The following ADAMTS17 variants were observed in gnomAD, a reference collection of about 807,000 sequenced individuals.
The protein encoded by ADAMTS17 is A disintegrin and metalloproteinase with thrombospondin motifs 17.
ADAMTS17 carries 113 observed loss-of-function variants against 141.5 expected under a neutral mutation model. That is an observed-to-expected ratio of 0.80 (90% confidence interval 0.69 to 0.93). The LOEUF is 0.93. Among genes scored for constraint, ADAMTS17 ranks in the 40% least tolerant of loss-of-function variants. The pLI, the probability that ADAMTS17 is intolerant of heterozygous loss-of-function variation, is 0.00. For synonymous variants in ADAMTS17, 768 were observed against 630.6 expected (o/e 1.22, Z -3.27); for missense variants, 1,659 against 1,517.9 (o/e 1.09, Z -1.54).
chr15:100,060,703 G>A (rs1362124606), intron 15 of ADAMTS17, among the ~76,000 whole-genome samples: 1 of 152,228 alleles, frequency 6.6e-6, no homozygotes, highest in Non-Finnish European at 1.5e-5. Context: ...TCCACTCGGA[G>A]TTCTGCCAGC....
chr15:100,101,293 A>T (rs1056425072), intron 14 of ADAMTS17, among the ~76,000 whole-genome samples: 1 of 151,806 alleles, frequency 6.6e-6, no homozygotes, highest in African/African-American at 2.4e-5. Context: ...ACACATACCA[A>T]TCTCTGGAAT....
chr15:100,250,241 C>A (rs1280611790), intron 7 of ADAMTS17, among the ~76,000 whole-genome samples: 2 of 152,210 alleles, frequency 1.3e-5, no homozygotes, highest in South Asian at 4.1e-4. Flanking sequence ...AAAACAACAA[C>A]AAAAAAACGC....
At chr15:100,308,780 C>T (rs1344078589) in intron 3 of ADAMTS17, among the ~76,000 whole-genome samples, 1 of 152,150 alleles carries the variant, frequency 6.6e-6, no homozygotes, top group Non-Finnish European at 1.5e-5. Flanking sequence ...TCTGACTAAG[C>T]AGCAGGAAAG....
intron 3 of ADAMTS17, among the ~76,000 whole-genome samples, chr15:100,286,083 T>G (rs1011960500): frequency 6.6e-6 from 1 of 152,118 alleles, no homozygotes; most frequent in Non-Finnish European, 1.5e-5. Context: ...ACTGGAGAGC[T>G]CCAGCAGACC....
intron 8 of ADAMTS17, among the ~76,000 whole-genome samples, chr15:100,176,224 A>G (rs1415243928): frequency 1.3e-5 from 2 of 152,256 alleles, no homozygotes; most frequent in Non-Finnish European, 2.9e-5. Context: ...TGATGAATGC[A>G]TGGTGCTTCA....
At position 100,044,695 on chromosome 15, in the gene ADAMTS17, T is replaced by C. The variant is rs550683195; in HGVS notation, c.2591+4162A>G. 1.5e-3 allele frequency among the ~76,000 whole-genome samples: 227 copies of C among 152,342 alleles called. 3 individuals are homozygous for C. The highest frequency in any genetic ancestry group is 5.4e-3 in the African/African-American group (223 of 41,564). On this transcript the variant is annotated intron_variant, in intron 18 of 21. Coordinates refer to ENST00000268070, the MANE Select transcript of ADAMTS17 (RefSeq NM_139057.4). ...CCTTCTCTTTTGAGTATGGATCTGTTTCCCTATATGACTAGTAATTTTGGA... is the reference window on the plus strand; with the variant it reads ...CCTTCTCTTTTGAGTATGGATCTGTCTCCCTATATGACTAGTAATTTTGGA...
chr15:99,987,746 C>T (rs562880209), intron 20 of ADAMTS17, among the ~76,000 whole-genome samples: 2 of 152,170 alleles, frequency 1.3e-5, no homozygotes, highest in Non-Finnish European at 2.9e-5. Context: ...GTATTCTTCC[C>T]ACTTCTCCAG....
At chr15:100,331,916 C>T (rs2141958402) in intron 2 of ADAMTS17, among the ~76,000 whole-genome samples, 1 of 152,240 alleles carries the variant, frequency 6.6e-6, no homozygotes, top group Admixed American at 6.5e-5. Context: ...CAGCACTCCC[C>T]ACCACACGCA....
intron 3 of ADAMTS17, among the ~76,000 whole-genome samples, chr15:100,319,163 T>C (rs1005877653): frequency 1.3e-5 from 2 of 152,152 alleles, no homozygotes; most frequent in Non-Finnish European, 2.9e-5. Context: ...AGAATAGCAC[T>C]GGGGGCAGGG....
intron 7 of ADAMTS17, among the ~76,000 whole-genome samples, chr15:100,246,759 T>C (rs559735750): frequency 6.6e-6 from 1 of 152,360 alleles, no homozygotes; most frequent in African/African-American, 2.4e-5. Flanking sequence ...TATTTCATCA[T>C]AGCTTTAATT....
chr15:100,046,438 T>A (rs1471479122), intron 18 of ADAMTS17, among the ~76,000 whole-genome samples: 3 of 152,178 alleles, frequency 2.0e-5, no homozygotes, highest in African/African-American at 7.2e-5. Flanking sequence ...TTCATCTGTT[T>A]CATTTTACTG....
intron 7 of ADAMTS17, among the ~76,000 whole-genome samples, chr15:100,204,788 A>G (rs1311595138): frequency 6.6e-6 from 1 of 152,186 alleles, no homozygotes; most frequent in Non-Finnish European, 1.5e-5. Context: ...ACCTCTTACA[A>G]CAGAAGAGTA....
chr15:100,130,500 G>A (rs1346527974), intron 12 of ADAMTS17, among the ~76,000 whole-genome samples: 1 of 152,132 alleles, frequency 6.6e-6, no homozygotes, highest in African/African-American at 2.4e-5. Context: ...CTGGGAAAAT[G>A]GTGCTCCTGT....
intron 8 of ADAMTS17, among the ~76,000 whole-genome samples, chr15:100,193,620 G>C (rs2041001684): frequency 6.6e-6 from 1 of 152,192 alleles, no homozygotes; most frequent in African/African-American, 2.4e-5. Flanking sequence ...CCCCGAGAGT[G>C]AGCGCATCGG....
At chr15:100,170,409 G>A (rs927913818) in intron 8 of ADAMTS17, among the ~76,000 whole-genome samples, 3 of 152,030 alleles carry the variant, frequency 2.0e-5, no homozygotes, top group Admixed American at 6.5e-5. Context: ...AGCCAGCCGC[G>A]GAAAGTCCCT....
chr15:100,293,439 G>A (rs2044710910), intron 3 of ADAMTS17, among the ~76,000 whole-genome samples: 1 of 152,194 alleles, frequency 6.6e-6, no homozygotes, highest in Non-Finnish European at 1.5e-5. Context: ...TGTGGATGGA[G>A]ATAATGCTTT....
intron 14 of ADAMTS17, among the ~76,000 whole-genome samples, chr15:100,101,121 C>G (rs924928143): frequency 6.6e-6 from 1 of 152,152 alleles, no homozygotes; most frequent in Non-Finnish European, 1.5e-5. Flanking sequence ...ACCCATCTCC[C>G]TCTTGCTTCC....
At chr15:100,316,933 G>A (rs2045583424) in intron 3 of ADAMTS17, among the ~76,000 whole-genome samples, 1 of 152,208 alleles carries the variant, frequency 6.6e-6, no homozygotes, top group Non-Finnish European at 1.5e-5. Context: ...CACACAGGTG[G>A]GCAGCAGGAA....
At chr15:100,309,400 G>A (rs2045331852) in intron 3 of ADAMTS17, among the ~76,000 whole-genome samples, 1 of 152,234 alleles carries the variant, frequency 6.6e-6, no homozygotes, top group South Asian at 2.1e-4. Context: ...CCACAGCTGT[G>A]ATGGTGGTCG....
Sources: allele counts gnomAD v4.1 joint callset (sites outside exome capture counted in the v4.1 genomes callset), GRCh38; gene constraint gnomAD v4.1.1; transcripts MANE v1.5; gene names NCBI Gene and HGNC (gene_info 2026-07-23, HGNC 2026-07-21).